Variants in SUPT3H observed in about 807,000 individuals in gnomAD.
SUPT3H encodes SPT3 homolog, SAGA and STAGA complex component, also known as transcription initiation protein SPT3 homolog.
SUPT3H carries 44 observed loss-of-function variants against 44.3 expected under a neutral mutation model. The ratio of observed to expected loss-of-function variants is 0.99; its 90% confidence interval spans 0.78 to 1.28. The LOEUF is 1.28. Among genes scored for constraint, SUPT3H ranks in the 50% most tolerant of loss-of-function variants. SUPT3H has a pLI of 0.00. For missense variants in SUPT3H, 380 were observed against 387.1 expected, an observed-to-expected ratio of 0.98 and a Z score of 0.15; for synonymous variants, 124 against 125.6, an observed-to-expected ratio of 0.99 and a Z score of 0.09.
chr6:44,830,420 T>C (rs555333477), intron 10 of SUPT3H, among the ~76,000 whole-genome samples: 2 of 152,318 alleles, frequency 1.3e-5, no homozygotes, highest in African/African-American at 4.8e-5. Context: ...TAATTTTATA[T>C]ACATACCTGT....
chr6:45,241,597 G>A (rs1770338479), intron 2 of SUPT3H, among the ~76,000 whole-genome samples: 2 of 152,160 alleles, frequency 1.3e-5, no homozygotes, highest in South Asian at 2.1e-4. Flanking sequence ...TCTGAAGGCT[G>A]TGAGTCCCCT....
intron 10 of SUPT3H, among the ~76,000 whole-genome samples, chr6:44,848,627 G>A (rs1212624994): frequency 6.6e-6 from 1 of 152,060 alleles, no homozygotes; most frequent in African/African-American, 2.4e-5. Context: ...GTTTTCCTGT[G>A]AGCTGACTTA....
rs562759646 is a variant in SUPT3H at position 45,142,607 on chromosome 6, A to G, written c.102-36601T>C. 2.0e-5 allele frequency among the ~76,000 whole-genome samples: 3 copies of G among 151,842 alleles called. No individual in the cohort carries two copies. In the East Asian group the frequency reaches 5.8e-4, roughly 30 times the overall value. ...CAAAATTAGTCGGGTGTGGTGGTGCATGCCTGTAATCTGAGCTACTCAGGA... is the reference window on the plus strand; with the variant it reads ...CAAAATTAGTCGGGTGTGGTGGTGCGTGCCTGTAATCTGAGCTACTCAGGA... On this transcript the variant is annotated intron_variant, in intron 2 of 10. Transcript: ENST00000371459.
chr6:44,988,735 C>T (rs760471644), intron 6 of SUPT3H, among the ~76,000 whole-genome samples: 1 of 151,910 alleles, frequency 6.6e-6, no homozygotes, highest in Non-Finnish European at 1.5e-5. Flanking sequence ...TGGTTTTTAA[C>T]ATGTATTTGA....
intron 2 of SUPT3H, among the ~76,000 whole-genome samples, chr6:45,206,340 TGAG>T (rs1401193868): frequency 6.6e-6 from 1 of 152,084 alleles, no homozygotes; most frequent in Non-Finnish European, 1.5e-5. Context: ...TCTTCAATGA[TGAG>T]GAGACCTTTA....
At chr6:45,007,734 C>A (rs1782914280) in intron 5 of SUPT3H, among the ~76,000 whole-genome samples, 1 of 150,396 alleles carries the variant, frequency 6.6e-6, no homozygotes. Context: ...GTATTCCCCC[C>A]CACTTTTTTT....
At chr6:44,884,762 C>T (rs532723105) in intron 10 of SUPT3H, among the ~76,000 whole-genome samples, 17 of 152,164 alleles carry the variant, frequency 1.1e-4, no homozygotes, top group South Asian at 6.2e-4. Flanking sequence ...AGACAGTGGG[C>T]GCAGGTCAGT....
intron 6 of SUPT3H, among the ~76,000 whole-genome samples, chr6:44,980,329 C>A (rs149231000): frequency 6.6e-6 from 1 of 150,934 alleles, no homozygotes; most frequent in East Asian, 1.9e-4. Flanking sequence ...TTATGTGAAA[C>A]AACATATAAC....
chr6:45,255,304 A>G (rs982257905), intron 2 of SUPT3H, among the ~76,000 whole-genome samples: 3 of 152,026 alleles, frequency 2.0e-5, no homozygotes, highest in Non-Finnish European at 2.9e-5. Flanking sequence ...TCTAAGGGCT[A>G]TAATTAATTT....
At chr6:44,948,300 T>C (rs1259385139) in intron 9 of SUPT3H, among the ~76,000 whole-genome samples, 1 of 152,164 alleles carries the variant, frequency 6.6e-6, no homozygotes, top group East Asian at 1.9e-4. Context: ...GAAGAAAACC[T>C]AGGCAATACC....
At chr6:44,985,097 G>A (rs1178166676) in intron 6 of SUPT3H, among the ~76,000 whole-genome samples, 1 of 151,350 alleles carries the variant, frequency 6.6e-6, no homozygotes, top group Non-Finnish European at 1.5e-5. Context: ...CTCGTGTTCT[G>A]GGAGGCTGTG....
intron 2 of SUPT3H, among the ~76,000 whole-genome samples, chr6:45,136,761 G>A (rs1218466179): frequency 6.6e-6 from 1 of 151,998 alleles, no homozygotes; most frequent in Non-Finnish European, 1.5e-5. Flanking sequence ...GACAAAATGA[G>A]TAAAAAAGAA....
intron 2 of SUPT3H, among the ~76,000 whole-genome samples, chr6:45,204,250 A>AAAGAAGAAGAAGAAGAAGAAG (rs59918814): frequency 0.035 from 5,028 of 143,074 alleles, 143 homozygotes; most frequent in South Asian, 0.083. Context: ...CCGTCTCAAA[A>AAAGAAGAAGAAGAAGAAGAAG]AAGAAGAAGA....
intron 6 of SUPT3H, among the ~76,000 whole-genome samples, chr6:44,977,422 G>A (rs1422730245): frequency 3.3e-5 from 5 of 152,076 alleles, no homozygotes; most frequent in African/African-American, 1.2e-4. Flanking sequence ...AGAAGAAACT[G>A]AAACTTACTG....
chr6:44,986,718 A>G (rs949792273), intron 6 of SUPT3H, among the ~76,000 whole-genome samples: 1 of 152,136 alleles, frequency 6.6e-6, no homozygotes, highest in African/African-American at 2.4e-5. Context: ...TTGTTTATAT[A>G]AAATATATTT....
At chr6:44,931,109 T>C (rs936935453) in intron 10 of SUPT3H, among the ~76,000 whole-genome samples, 5 of 152,218 alleles carry the variant, frequency 3.3e-5, no homozygotes, top group Admixed American at 3.3e-4. Context: ...CCGCTTCTTT[T>C]TGAGGAAATA....
chr6:45,057,071 T>C (rs1791243794), intron 3 of SUPT3H, among the ~76,000 whole-genome samples: 1 of 152,094 alleles, frequency 6.6e-6, no homozygotes, highest in Non-Finnish European at 1.5e-5. Context: ...CTAAAACAAA[T>C]ACAATTGTCT....
At chr6:45,305,297 A>G (rs1301566810) in intron 2 of SUPT3H, among the ~76,000 whole-genome samples, 2 of 152,182 alleles carry the variant, frequency 1.3e-5, no homozygotes, top group Non-Finnish European at 2.9e-5. Flanking sequence ...CAACTCCAAT[A>G]TAACTACAAT....
chr6:45,359,713 G>A (rs1793901345), intron 2 of SUPT3H, among the ~76,000 whole-genome samples: 1 of 152,116 alleles, frequency 6.6e-6, no homozygotes, highest in African/African-American at 2.4e-5. Context: ...AAGATCTGTT[G>A]TTAGATATAG....
Sources: allele counts gnomAD v4.1 joint callset (sites outside exome capture counted in the v4.1 genomes callset), GRCh38; gene constraint gnomAD v4.1.1; transcripts MANE v1.5; gene names NCBI Gene and HGNC (gene_info 2026-07-23, HGNC 2026-07-21).